Variants in CDKN1A observed in about 807,000 individuals in gnomAD.
The protein encoded by CDKN1A is cyclin dependent kinase inhibitor 1A, also known as cyclin-dependent kinase inhibitor 1.
CDKN1A carries 14 observed loss-of-function variants against 14.8 expected under a neutral mutation model. That is an observed-to-expected ratio of 0.94 (90% confidence interval 0.62 to 1.48). The LOEUF is 1.48. CDKN1A is among the 40% of genes most tolerant of loss of function. The probability of loss-of-function intolerance (pLI) is 0.00; values close to 1 mark genes in which losing one functional copy is unlikely to be tolerated. For missense variants in CDKN1A, 203 were observed against 231.7 expected (o/e 0.88, Z 0.80); for synonymous variants, 92 against 93.5 (o/e 0.98, Z 0.09).
In CDKN1A at chr6:36,684,257, C is replaced by T. The variant is rs541505866; in HGVS notation, c.156C>T (p.Asp52=). The T allele has an allele frequency of 6.2e-7, 1 of 1,612,618 alleles. No individual in the cohort carries two copies. Among genetic ancestry groups the T allele is most frequent in the African/African-American group, 1.3e-5 (1 of 74,900 alleles). ...IQEARERWNF[D]FVTETPLEGD... ...AGGCCCGTGAGCGATGGAACTTCGA[C>T]TTTGTCACCGAGACACCACTGGAGG... Residue 52 remains aspartate (D), a synonymous_variant, in exon 2 of 3, where the codon GAC becomes GAT. Transcript: ENST00000244741. This position sits in a 1 kb window ranked among gnomAD's most constrained non-coding sequence, Gnocchi z 6.0.
At position 36,684,526 on chromosome 6, in the gene CDKN1A, G is replaced by C; in HGVS notation, c.425G>C (p.Arg142Pro). The change falls in exon 2 of 3, where the codon CGG (arginine) becomes CCG (proline). Residue 142 changes from arginine to proline, a missense_variant. Arg to Pro is a moderately radical substitution (Grantham distance 103). Transcript: ENST00000244741. This position sits in a 1 kb window ranked among gnomAD's most constrained non-coding sequence, Gnocchi z 6.0. ...GGPGDSQGRK[R>P]RQTSMTDFYH... Reference sequence around the variant, plus strand: ...CCTGGAGACTCTCAGGGTCGAAAACGGCGGCAGACCAGCATGACAGGTGCG... The same window carrying C: ...CCTGGAGACTCTCAGGGTCGAAAACCGCGGCAGACCAGCATGACAGGTGCG... 1.2e-6 allele frequency: 2 copies of C among 1,614,168 alleles called. No homozygotes were observed. Among genetic ancestry groups the C allele is most frequent in the Non-Finnish European group, 1.7e-6 (2 of 1,180,040 alleles).
chr6:36,678,396 G>C (rs1761763667), upstream of CDKN1A: 1 of 155,440 alleles, frequency 6.4e-6, no homozygotes, highest in Non-Finnish European at 1.4e-5. This position sits in a 1 kb window ranked among gnomAD's most constrained non-coding sequence, Gnocchi z 5.7. Flanking sequence ...GTGTCCTCCT[G>C]GAGAGTGCCA....
At chr6:36,685,620 T>C (rs1762172559) in intron 2 of CDKN1A, 131 bp from the exon 3 acceptor site, 1 of 868,694 alleles carries the variant, frequency 1.2e-6, no homozygotes, top group Non-Finnish European at 2.0e-6. Context: ...CCCGAGTTCT[T>C]CCTGTTCTCA....
Position 36,685,935 on chromosome 6 carries a change from C to A in CDKN1A, c.*135C>A. 1 of 856,054 alleles carries A rather than the reference C, an allele frequency of 1.2e-6. No individual in the cohort carries two copies. The highest frequency in any genetic ancestry group is 1.9e-6 in the Non-Finnish European group (1 of 515,002). The allele number at this position is 856,054 out of a possible 1,614,324, so 53.0% of individuals were successfully genotyped here. A position where few individuals can be genotyped will look rare whatever the true frequency, so the allele number is the denominator to read the frequency against. ...ATTTAAACACCTCCTCATGTACATA[C>A]CCTGGCCGCCCCCTGCCCCCCAGCC... On this transcript the variant is annotated 3_prime_UTR_variant, in exon 3 of 3. Coordinates refer to ENST00000244741, the MANE Select transcript of CDKN1A (RefSeq NM_000389.5).
Position 36,687,033 on chromosome 6 carries a change from C to T in CDKN1A, c.*1233C>T, listed in dbSNP as rs544119216. The stretch of plus-strand genomic sequence containing the variant: ...ATGGACAGGGCATGCCACGTGGGCT[C>T]ATATGGGGCTGGGAGTAGTTGTCTT... On this transcript the variant is annotated 3_prime_UTR_variant, in exon 3 of 3. Coordinates refer to ENST00000244741, the MANE Select transcript of CDKN1A (RefSeq NM_000389.5). The T allele has an allele frequency of 8.6e-6, 2 of 233,472 alleles. No individual in the cohort carries two copies. The highest frequency in any genetic ancestry group is 1.2e-4 in the East Asian group (2 of 16,602). 14.5% of individuals were successfully genotyped at this position (233,472 alleles called of 1,614,324 possible).
At chr6:36,681,318 T>C (rs1283531984) in intron 1 of CDKN1A, among the ~76,000 whole-genome samples, 2 of 129,370 alleles carry the variant, frequency 1.5e-5, no homozygotes, top group Non-Finnish European at 1.7e-5. Flanking sequence ...CTTTCTTTCT[T>C]TCTTTCTTTC....
intron 1 of CDKN1A, among the ~76,000 whole-genome samples, chr6:36,681,344 T>C (rs1156729569): frequency 7.8e-6 from 1 of 127,786 alleles, no homozygotes; most frequent in African/African-American, 3.0e-5. Context: ...TTTTCTTTCT[T>C]TCTTTCTTTT....
At chr6:36,680,307 CGTGT>C (rs59454180) in intron 1 of CDKN1A, among the ~76,000 whole-genome samples, 1,518 of 133,262 alleles carry the variant, frequency 0.011, 14 homozygotes, top group African/African-American at 0.027. Flanking sequence ...TCTGCGCGGG[CGTGT>C]GTGTGTGTGT....
At chr6:36,681,350 CTTTTTCTTTCT>C (rs1562038252) in intron 1 of CDKN1A, among the ~76,000 whole-genome samples, 11 of 92,374 alleles carry the variant, frequency 1.2e-4, no homozygotes, top group Middle Eastern at 5.2e-3. Context: ...TTCTTTCTTT[CTTTTTCTTTCT>C]TTTCTTTCTT....
At chr6:36,680,972 A>C (rs1028140123) in intron 1 of CDKN1A, 2 of 152,238 alleles carry the variant, frequency 1.3e-5, no homozygotes, top group Non-Finnish European at 2.9e-5. Context: ...GGGTGGTAGA[A>C]GAGGAGAGGG....
intron 1 of CDKN1A, among the ~76,000 whole-genome samples, chr6:36,683,775 G>T (rs1762094739): frequency 2.6e-5 from 4 of 152,234 alleles, no homozygotes. Flanking sequence ...ACCTCTGGGG[G>T]GAAAACAAAT....
At chr6:36,682,299 C>G (rs1022372304) in intron 1 of CDKN1A, among the ~76,000 whole-genome samples, 1 of 152,140 alleles carries the variant, frequency 6.6e-6, no homozygotes, top group Non-Finnish European at 1.5e-5. Flanking sequence ...TAGAACAGCC[C>G]CCAAACATAA....
In CDKN1A at chr6:36,684,779, G is replaced by C. The variant is rs1377720366; in HGVS notation, c.445+233G>C. Among the ~76,000 whole-genome samples the C allele has an allele frequency of 1.3e-5, 2 of 152,198 alleles. No homozygotes were observed. The highest frequency in any genetic ancestry group is 4.8e-5 in the African/African-American group (2 of 41,440). Reference sequence around the variant, plus strand: ...GGCCCTTTGCCAAGCTTCTAAGGTAGATTTATTTAGTCCTTATAGCAATGT... The same window carrying C: ...GGCCCTTTGCCAAGCTTCTAAGGTACATTTATTTAGTCCTTATAGCAATGT... On this transcript the variant is annotated intron_variant, in intron 2 of 2. Transcript: ENST00000244741. The surrounding 1 kb of genome is among the most constrained non-coding windows in gnomAD (Gnocchi z 6.0).
intron 1 of CDKN1A, among the ~76,000 whole-genome samples, chr6:36,683,531 G>A (rs1199877595): frequency 6.6e-6 from 1 of 152,252 alleles, no homozygotes; most frequent in Admixed American, 6.5e-5. Context: ...GTAGTAACTG[G>A]CAGAGCTAGG....
Position 36,685,771 on chromosome 6 carries a change from C to G in CDKN1A, c.466C>G (p.Arg156Gly), listed in dbSNP as rs374154006. ...CTCAGATTTCTACCACTCCAAACGC[C>G]GGCTGATCTTCTCCAAGAGGAAGCC... ...SMTDFYHSKRRLIFSKRKP is the reference protein window; with the variant it reads ...SMTDFYHSKRGLIFSKRKP The change falls in exon 3 of 3, where the codon CGG (arginine) becomes GGG (glycine). Residue 156 changes from arginine (R) to glycine (G), a missense_variant. Arg to Gly is a moderately radical substitution (Grantham distance 125). Coordinates refer to ENST00000244741, the MANE Select transcript of CDKN1A (RefSeq NM_000389.5). 1 of 1,614,186 alleles carries G rather than the reference C, an allele frequency of 6.2e-7. No homozygotes were observed. The highest frequency in any genetic ancestry group is 8.5e-7 in the Non-Finnish European group (1 of 1,180,020).
chr6:36,678,072 G>A, upstream of CDKN1A: 1 of 394,186 alleles, frequency 2.5e-6, no homozygotes, highest in Non-Finnish European at 4.9e-6. This position sits in a 1 kb window ranked among gnomAD's most constrained non-coding sequence, Gnocchi z 5.7. Context: ...GTATACTTAA[G>A]TTCAGTGGAC....
In CDKN1A at chr6:36,687,120, G is replaced by T. The variant is rs1376345118; in HGVS notation, c.*1320G>T. On this transcript the variant is annotated 3_prime_UTR_variant, in exon 3 of 3. Transcript: ENST00000244741. ...GTGCTTAGTGTACTTGGAGTATTGG[G>T]GTCTGACCCCAAACACCTTCCAGCT... 3.0e-5 allele frequency: 7 copies of T among 233,058 alleles called. No homozygotes were observed. The East Asian group carries it at 4.2e-4, about 14-fold the overall frequency. The allele number at this position is 233,058 out of a possible 1,614,324, so 14.4% of individuals were successfully genotyped here. A position where few individuals can be genotyped will look rare whatever the true frequency, so the allele number is the denominator to read the frequency against.
chr6:36,681,145 C>G (rs1031040940), intron 1 of CDKN1A, among the ~76,000 whole-genome samples: 1 of 152,116 alleles, frequency 6.6e-6, no homozygotes, highest in Non-Finnish European at 1.5e-5. Context: ...GGCTGGCAAC[C>G]CAAGAGTGCC....
chr6:36,678,173 T>G (rs1227964165), upstream of CDKN1A: 4 of 347,138 alleles, frequency 1.2e-5, no homozygotes, highest in Non-Finnish European at 2.3e-5. The surrounding 1 kb of genome is among the most constrained non-coding windows in gnomAD (Gnocchi z 5.7). Context: ...TCCAGGTGCT[T>G]CTGGGAGAGG....
Sources: gnomAD v4.1 joint callset for allele counts (sites outside exome capture counted in the v4.1 genomes callset) on GRCh38, gnomAD v4.1.1 for gene constraint, Gnocchi (gnomAD v3.1) non-coding constraint, MANE v1.5 for transcripts, NCBI Gene and HGNC (gene_info 2026-07-23, HGNC 2026-07-21) for gene names.